Variants in LRBA observed in about 807,000 individuals in gnomAD.
LRBA encodes lipopolysaccharide-responsive and beige-like anchor protein.
In LRBA, 176 loss-of-function variants were observed where a neutral mutation model predicts 330.0. That is an observed-to-expected ratio of 0.53 (90% CI 0.47 to 0.60). LRBA has a LOEUF of 0.60. Ranked by LOEUF, LRBA falls within the 20% of genes least tolerant of loss-of-function variation. The pLI is 0.00. For synonymous variants in LRBA, 1,230 were observed against 1,193.0 expected, an observed-to-expected ratio of 1.03 and a Z score of -0.64; for missense variants, 3,259 against 3,444.8, an observed-to-expected ratio of 0.95 and a Z score of 1.35.
intron 40 of LRBA, among the ~76,000 whole-genome samples, chr4:150,586,317 A>G (rs1055233682): frequency 2.6e-5 from 4 of 152,144 alleles, no homozygotes; most frequent in Non-Finnish European, 5.9e-5. Context: ...TTCCAGAAAA[A>G]AAGTTTTTAA....
At chr4:150,368,731 T>C (rs1425703557) in intron 47 of LRBA, among the ~76,000 whole-genome samples, 2 of 152,184 alleles carry the variant, frequency 1.3e-5, no homozygotes, top group Non-Finnish European at 2.9e-5. Flanking sequence ...GAGAACCAAA[T>C]CCTGTTTAAC....
intron 45 of LRBA, 53 bp downstream of exon 45, chr4:150,436,671 C>T: frequency 6.6e-7 from 1 of 1,510,302 alleles, no homozygotes. Context: ...TTTGCATATC[C>T]TTCACAACAC....
intron 2 of LRBA, among the ~76,000 whole-genome samples, chr4:150,965,764 A>G (rs1148632): frequency 0.9 from 136,620 of 151,544 alleles, 63,231 homozygotes; most frequent in East Asian, 1. Context: ...GGTTGGTCTC[A>G]AACTCCTGGG....
chr4:150,553,671 A>G (rs544908164), intron 40 of LRBA, among the ~76,000 whole-genome samples: 12 of 152,310 alleles, frequency 7.9e-5, no homozygotes, highest in African/African-American at 2.6e-4. Context: ...GTACAATTAC[A>G]CACAGACAGA....
chr4:150,269,756 C>T (rs1266969862), intron 56 of LRBA, among the ~76,000 whole-genome samples: 3 of 152,082 alleles, frequency 2.0e-5, no homozygotes, highest in Non-Finnish European at 4.4e-5. Context: ...TAAGACCAGC[C>T]TGGGCAACAT....
In LRBA at chr4:150,805,735, A is replaced by G. The variant is rs189484525; in HGVS notation, c.5518+536T>C. On this transcript the variant is annotated intron_variant, in intron 33 of 56. Transcript: ENST00000651943. ...GGACCCATTATTCCTCATCCACTCC[A>G]TAAATAGCATGGTTTCCAATCCCCT... Among the ~76,000 whole-genome samples, 331 of 152,228 alleles carry G rather than the reference A, an allele frequency of 2.2e-3. 1 individual carries two copies. The highest frequency in any genetic ancestry group is 3.7e-3 in the Non-Finnish European group (255 of 68,006).
intron 34 of LRBA, among the ~76,000 whole-genome samples, chr4:150,783,631 T>C (rs150070138): frequency 3.3e-5 from 5 of 152,194 alleles, no homozygotes; most frequent in Non-Finnish European, 1.5e-5. Context: ...CTGTGTTGTA[T>C]CCAGTATTCA....
At chr4:150,410,804 AT>A (rs757876095) in intron 47 of LRBA, among the ~76,000 whole-genome samples, 62 of 152,268 alleles carry the variant, frequency 4.1e-4, no homozygotes, top group Non-Finnish European at 7.5e-4. Context: ...CTAAAACAAA[AT>A]GCTCTATTTT....
chr4:150,576,510 C>G (rs949508354), intron 40 of LRBA, among the ~76,000 whole-genome samples: 1 of 151,858 alleles, frequency 6.6e-6, no homozygotes, highest in African/African-American at 2.4e-5. Context: ...AAGCTGCTTA[C>G]TTTAATTTTC....
At chr4:150,363,844 A>G (rs1283630690) in intron 47 of LRBA, among the ~76,000 whole-genome samples, 1 of 152,210 alleles carries the variant, frequency 6.6e-6, no homozygotes, top group African/African-American at 2.4e-5. Context: ...TTCAATGTCT[A>G]TGCTGAGGGA....
chr4:150,814,952 AAAT>A (rs1233708629), intron 31 of LRBA, among the ~76,000 whole-genome samples: 2 of 151,992 alleles, frequency 1.3e-5, no homozygotes, highest in Non-Finnish European at 2.9e-5. Context: ...GTTACATGTA[AAAT>A]ATTACCCATA....
chr4:150,702,778 C>T (rs1785237522), intron 36 of LRBA, among the ~76,000 whole-genome samples: 1 of 151,978 alleles, frequency 6.6e-6, no homozygotes, highest in South Asian at 2.1e-4. Context: ...TTTAACAAAC[C>T]AACTCAACCC....
At chr4:150,313,948 G>C (rs1281088741) in intron 51 of LRBA, among the ~76,000 whole-genome samples, 1 of 151,578 alleles carries the variant, frequency 6.6e-6, no homozygotes, top group East Asian at 1.9e-4. Flanking sequence ...CCTGTCACAT[G>C]AGGTCAGGTG....
intron 50 of LRBA, among the ~76,000 whole-genome samples, chr4:150,318,011 A>G (rs1226209432): frequency 6.6e-6 from 1 of 152,182 alleles, no homozygotes; most frequent in African/African-American, 2.4e-5. Context: ...AAGAGGCATG[A>G]AAGTTTATCT....
intron 28 of LRBA, among the ~76,000 whole-genome samples, chr4:150,837,244 C>T (rs1395589285): frequency 6.6e-6 from 1 of 152,002 alleles, no homozygotes; most frequent in Non-Finnish European, 1.5e-5. Flanking sequence ...ATAAGTGCGA[C>T]GTGGTGCTGA....
At chr4:150,721,326 C>A in intron 36 of LRBA, 1 of 303,428 alleles carries the variant, frequency 3.3e-6, no homozygotes, top group South Asian at 3.9e-5. Flanking sequence ...TTGTATTGAT[C>A]AAAGACATTT....
chr4:150,366,579 C>T lies in LRBA; in HGVS notation c.7195-16420G>A, dbSNP rs113163527. 1.2e-4 allele frequency among the ~76,000 whole-genome samples: 19 copies of T among 152,106 alleles called. No homozygotes were observed. In the East Asian group the frequency reaches 2.1e-3, roughly 17 times the overall value. ...GGACAGTGAGAGGAGGGAGCTAGGCCGAGAGATGCAGAGTTAATCAGGGAG... is the reference window on the plus strand; with the variant it reads ...GGACAGTGAGAGGAGGGAGCTAGGCTGAGAGATGCAGAGTTAATCAGGGAG... On this transcript the variant is annotated intron_variant, in intron 47 of 56. Transcript: ENST00000651943.
intron 35 of LRBA, among the ~76,000 whole-genome samples, chr4:150,737,804 T>C (rs1002917978): frequency 5.3e-5 from 8 of 152,104 alleles, no homozygotes; most frequent in African/African-American, 1.7e-4. Flanking sequence ...ATTATCTAAA[T>C]AGACATTGAT....
At chr4:150,284,266 C>T (rs548384427) in intron 54 of LRBA, among the ~76,000 whole-genome samples, 1 of 152,072 alleles carries the variant, frequency 6.6e-6, no homozygotes, top group Admixed American at 6.5e-5. Flanking sequence ...TATTTCATGA[C>T]ATTGAAAGCA....
Sources: allele counts gnomAD v4.1 joint callset (sites outside exome capture counted in the v4.1 genomes callset), GRCh38; gene constraint gnomAD v4.1.1; transcripts MANE v1.5; gene names NCBI Gene and HGNC (gene_info 2026-07-23, HGNC 2026-07-21).